The following CREB5 variants were observed in gnomAD, a reference collection of about 807,000 sequenced individuals.
CREB5 encodes cAMP responsive element binding protein 5.
Under a neutral mutation model 57.1 loss-of-function variants are expected in CREB5, and 19 were observed. That is an observed-to-expected ratio of 0.33 (90% CI 0.23 to 0.49). The LOEUF is 0.49. Among genes scored for constraint, CREB5 ranks in the 20% least tolerant of loss-of-function variants. The pLI is 0.99. For synonymous variants in CREB5, 238 were observed against 238.3 expected (o/e 1.00, Z 0.01); for missense variants, 579 against 671.6 (o/e 0.86, Z 1.52).
chr7:28,650,909 A>T (rs1799102434), intron 5 of CREB5, among the ~76,000 whole-genome samples: 2 of 152,258 alleles, frequency 1.3e-5, no homozygotes, highest in South Asian at 4.1e-4. Flanking sequence ...TACTTGGTTC[A>T]CATAAAGATG....
intron 1 of CREB5, among the ~76,000 whole-genome samples, chr7:28,387,832 A>G (rs973679301): frequency 1.3e-5 from 2 of 152,204 alleles, no homozygotes; most frequent in Admixed American, 6.5e-5. Flanking sequence ...AAAAGAAAGA[A>G]AAAAATATGT....
At chr7:28,504,278 C>T (rs1792386364) in intron 3 of CREB5, among the ~76,000 whole-genome samples, 1 of 152,204 alleles carries the variant, frequency 6.6e-6, no homozygotes, top group Non-Finnish European at 1.5e-5. Context: ...AGATGGTGTG[C>T]AATCTCCATG....
At chr7:28,573,259 C>CT (rs34821158) in intron 5 of CREB5, among the ~76,000 whole-genome samples, 50,704 of 151,370 alleles carry the variant, frequency 0.33, 10,091 homozygotes, top group African/African-American at 0.56. Flanking sequence ...TTGCAGATAG[C>CT]TTTTTTTTTA....
intron 1 of CREB5, among the ~76,000 whole-genome samples, chr7:28,372,969 A>T (rs866126067): frequency 1.2e-3 from 183 of 151,886 alleles, no homozygotes; most frequent in African/African-American, 4.3e-3. Flanking sequence ...GATGGTGTTT[A>T]TTTGGGGTAA....
rs1484480360 is a variant in CREB5, at chr7:28,326,170, T to TATCC, written c.-25+26732_-25+26733insCATC. Among the ~76,000 whole-genome samples, 85 of 136,256 alleles carry TATCC rather than the reference T, an allele frequency of 6.2e-4. 1 individual carries two copies. The highest frequency in any genetic ancestry group is 2.2e-3 in the African/African-American group (82 of 37,920). The allele number at this position is 136,256 out of a possible 152,430, so 89.4% of individuals were successfully genotyped here. ...CACACACATTATCTATCTATCTATC[T>TATCC]ATCTATCTATCTATCTATCTATCTA... On this transcript the variant is annotated intron_variant, in intron 1 of 9. Transcript: ENST00000396299.
intron 1 of CREB5, among the ~76,000 whole-genome samples, chr7:28,381,582 T>C (rs1277834559): frequency 1.3e-5 from 2 of 152,230 alleles, no homozygotes; most frequent in Non-Finnish European, 2.9e-5. Context: ...TGTGAAGCAT[T>C]ACAGAATGAT....
intron 1 of CREB5, among the ~76,000 whole-genome samples, chr7:28,330,180 G>A (rs1785687672): frequency 6.6e-6 from 1 of 152,160 alleles, no homozygotes; most frequent in Admixed American, 6.5e-5. Context: ...CTCTCGTGTT[G>A]CATGTGATAT....
At chr7:28,632,547 T>A (rs219023) in intron 5 of CREB5, among the ~76,000 whole-genome samples, 1 of 151,892 alleles carries the variant, frequency 6.6e-6, no homozygotes, top group East Asian at 1.9e-4. Flanking sequence ...TTAAAAGTTT[T>A]GTTCACCATC....
intron 9 of CREB5, among the ~76,000 whole-genome samples, chr7:28,812,404 A>AACAT (rs1430652529): frequency 6.6e-6 from 1 of 152,188 alleles, no homozygotes; most frequent in Non-Finnish European, 1.5e-5. Flanking sequence ...GCTTTTACAG[A>AACAT]ACATACAAGG....
chr7:28,359,551 C>A (rs775013915), intron 1 of CREB5, among the ~76,000 whole-genome samples: 4 of 152,090 alleles, frequency 2.6e-5, no homozygotes. Flanking sequence ...TTATTTCATA[C>A]CATATACAAA....
chr7:28,570,253 A>C, intron 4 of CREB5, 112 bp from the exon 5 acceptor site: 1 of 1,170,428 alleles, frequency 8.5e-7, no homozygotes, highest in South Asian at 1.6e-5. Flanking sequence ...GGAAGCCATA[A>C]CTCTCTATGT....
intron 1 of CREB5, among the ~76,000 whole-genome samples, chr7:28,449,579 C>A (rs975331292): frequency 4.6e-5 from 7 of 152,134 alleles, no homozygotes; most frequent in African/African-American, 7.2e-5. Flanking sequence ...TGTATTTTGT[C>A]CTGCAACCTC....
At chr7:28,773,714 G>A (rs543094371) in intron 7 of CREB5, among the ~76,000 whole-genome samples, 11 of 152,194 alleles carry the variant, frequency 7.2e-5, no homozygotes, top group Admixed American at 7.2e-4. Context: ...TGTTTGGAAT[G>A]GTTTTAATTG....
chr7:28,516,233 A>G (rs6956134), intron 4 of CREB5, among the ~76,000 whole-genome samples: 2,225 of 152,200 alleles, frequency 0.015, 53 homozygotes, highest in African/African-American at 0.051. Flanking sequence ...AAAAGTAAAG[A>G]AAACAATTGT....
intron 5 of CREB5, among the ~76,000 whole-genome samples, chr7:28,663,560 CA>C (rs771073632): frequency 6.6e-5 from 10 of 152,278 alleles, no homozygotes; most frequent in African/African-American, 9.6e-5. Context: ...GAGGGGACCA[CA>C]AGTCTCTGGT....
At chr7:28,310,077 A>G (rs1785249142) in intron 1 of CREB5, among the ~76,000 whole-genome samples, 1 of 152,150 alleles carries the variant, frequency 6.6e-6, no homozygotes, top group African/African-American at 2.4e-5. Flanking sequence ...AGGAGGAGCT[A>G]GACATTGGAG....
In CREB5 at chr7:28,611,984, TGCCA is replaced by T. The variant is rs1299558176; in HGVS notation, c.464+41454_464+41457del. Among the ~76,000 whole-genome samples, 19 of 125,330 alleles carry T rather than the reference TGCCA, an allele frequency of 1.5e-4. No individual in the cohort carries two copies. In the East Asian group the frequency reaches 4.5e-3, roughly 30 times the overall value. The allele number at this position is 125,330 out of a possible 152,430, so 82.2% of individuals were successfully genotyped here. A position where few individuals can be genotyped will look rare whatever the true frequency, so the allele number is the denominator to read the frequency against. On this transcript the variant is annotated intron_variant, in intron 5 of 10. Coordinates refer to ENST00000357727, the MANE Select transcript of CREB5 (RefSeq NM_182898.4). ...ACTTTCTCATGTCCCCTTGCTACTT[TGCCA>T]GCCAGCAAGCCATCTGGATGATGCG...
At chr7:28,813,133 G>A (rs944484822) in intron 9 of CREB5, among the ~76,000 whole-genome samples, 1 of 152,190 alleles carries the variant, frequency 6.6e-6, no homozygotes, top group Non-Finnish European at 1.5e-5. Flanking sequence ...TAGGGAAATG[G>A]GGGGTCTTCC....
At chr7:28,402,759 C>T (rs1787498042) in intron 1 of CREB5, among the ~76,000 whole-genome samples, 1 of 152,172 alleles carries the variant, frequency 6.6e-6, no homozygotes, top group Non-Finnish European at 1.5e-5. Flanking sequence ...AGGACATAGG[C>T]ATGGGCAAGG....
Sources: allele counts gnomAD v4.1 joint callset (sites outside exome capture counted in the v4.1 genomes callset), GRCh38; gene constraint gnomAD v4.1.1; transcripts MANE v1.5; gene names NCBI Gene and HGNC (gene_info 2026-07-23, HGNC 2026-07-21).